The following LHFPL3 variants were observed in gnomAD, a reference collection of about 807,000 sequenced individuals.
LHFPL3 encodes LHFPL tetraspan subfamily member 3 protein.
A neutral mutation model predicts 19.3 loss-of-function variants in LHFPL3; 5 were observed. That is an observed-to-expected ratio of 0.26 (90% CI 0.14 to 0.54). LHFPL3 has a LOEUF of 0.54. Ranked by LOEUF, LHFPL3 falls within the 20% of genes least tolerant of loss-of-function variation. The pLI, the probability that LHFPL3 is intolerant of heterozygous loss-of-function variation, is 0.94. For missense variants in LHFPL3, 249 were observed against 307.4 expected, an observed-to-expected ratio of 0.81 and a Z score of 1.42; for synonymous variants, 133 against 126.2, an observed-to-expected ratio of 1.05 and a Z score of -0.36.
At chr7:104,829,686 T>C (rs1271476824) in intron 2 of LHFPL3, among the ~76,000 whole-genome samples, 3 of 151,964 alleles carry the variant, frequency 2.0e-5, no homozygotes, top group East Asian at 1.9e-4. Context: ...CTGCATAGTA[T>C]TCCATGGTGT....
At chr7:104,746,062 G>A (rs1794041033) in intron 2 of LHFPL3, among the ~76,000 whole-genome samples, 2 of 152,168 alleles carry the variant, frequency 1.3e-5, no homozygotes, top group African/African-American at 4.8e-5. Context: ...TGTAATCCCA[G>A]CACTTAAGGA....
At chr7:104,746,987 A>G (rs1794058285) in intron 2 of LHFPL3, among the ~76,000 whole-genome samples, 1 of 152,168 alleles carries the variant, frequency 6.6e-6, no homozygotes, top group African/African-American at 2.4e-5. Flanking sequence ...ACATGCTTAA[A>G]TTTAATTTTT....
chr7:104,610,219 T>C (rs978414518), intron 1 of LHFPL3, among the ~76,000 whole-genome samples: 6 of 152,162 alleles, frequency 3.9e-5, no homozygotes, highest in African/African-American at 1.4e-4. Context: ...TCTAAGAGAC[T>C]CACTAAATGT....
Position 104,711,963 on chromosome 7 carries a change from T to C in LHFPL3, c.446-24712T>C, listed in dbSNP as rs117080644. 1.8e-3 allele frequency among the ~76,000 whole-genome samples: 273 copies of C among 152,186 alleles called. 2 individuals carry two copies. The highest frequency in any genetic ancestry group is 2.1e-3 in the Non-Finnish European group (140 of 68,010). On this transcript the variant is annotated intron_variant, in intron 1 of 2. Coordinates refer to ENST00000424859, the MANE Select transcript of LHFPL3 (RefSeq NM_199000.3). ...TAACATTATGTGGTATACAGAATAA[T>C]CCTCCTCCCTGCAGAGATGTCCACA... is the stretch of plus-strand genomic sequence containing the variant.
chr7:104,824,043 G>T (rs1790730454), intron 2 of LHFPL3, among the ~76,000 whole-genome samples: 1 of 143,170 alleles, frequency 7.0e-6, no homozygotes. Flanking sequence ...CTACTCGGGA[G>T]GCTGAGGCAG....
At chr7:104,820,514 G>A (rs1790655604) in intron 2 of LHFPL3, among the ~76,000 whole-genome samples, 1 of 152,170 alleles carries the variant, frequency 6.6e-6, no homozygotes, top group African/African-American at 2.4e-5. Flanking sequence ...GGAGGCAGAT[G>A]AATTGGTGTT....
intron 2 of LHFPL3, among the ~76,000 whole-genome samples, chr7:104,764,760 G>A (rs1347723178): frequency 2.6e-5 from 4 of 152,120 alleles, no homozygotes; most frequent in Non-Finnish European, 5.9e-5. Context: ...TGACTGTGTT[G>A]TTAGTATTTA....
intron 1 of LHFPL3, among the ~76,000 whole-genome samples, chr7:104,566,826 CATT>C (rs1340830893): frequency 1.3e-5 from 2 of 152,186 alleles, no homozygotes; most frequent in South Asian, 2.1e-4. Context: ...CAAAGGAAAA[CATT>C]ATTTCTCAAA....
At chr7:104,878,266 G>GT (rs1791986400) in intron 2 of LHFPL3, among the ~76,000 whole-genome samples, 1 of 84,506 alleles carries the variant, frequency 1.2e-5, no homozygotes, top group Non-Finnish European at 2.2e-5. Flanking sequence ...TACAAATATT[G>GT]CTTTTTTTTT....
intron 1 of LHFPL3, among the ~76,000 whole-genome samples, chr7:104,608,031 C>T (rs1175522634): frequency 6.6e-6 from 1 of 152,136 alleles, no homozygotes; most frequent in Non-Finnish European, 1.5e-5. Flanking sequence ...AATAGGAACA[C>T]TTTTACACTG....
At chr7:104,716,861 T>C (rs1018807106) in intron 1 of LHFPL3, among the ~76,000 whole-genome samples, 1 of 152,154 alleles carries the variant, frequency 6.6e-6, no homozygotes, top group East Asian at 1.9e-4. Flanking sequence ...GGACCCTGAA[T>C]AGCCAAATCA....
At position 104,672,057 on chromosome 7, in the gene LHFPL3, A is replaced by G. The variant is rs867267463; in HGVS notation, c.446-64618A>G. ...TTCCTTCTTCAAAACTTTAACTTCC[A>G]AGTGTGTGTGTGTGTGTGTGTGTGT... is the stretch of plus-strand genomic sequence containing the variant. On this transcript the variant is annotated intron_variant, in intron 1 of 2. Transcript: ENST00000424859. 1.0e-4 allele frequency among the ~76,000 whole-genome samples: 9 copies of G among 86,446 alleles called. No homozygotes were observed. In the South Asian group the frequency reaches 1.6e-3, roughly 15 times the overall value. The allele number at this position is 86,446 out of a possible 152,430, so 56.7% of individuals were successfully genotyped here.
intron 1 of LHFPL3, among the ~76,000 whole-genome samples, chr7:104,562,923 C>T (rs1423271589): frequency 6.6e-6 from 1 of 151,948 alleles, no homozygotes; most frequent in Non-Finnish European, 1.5e-5. Context: ...AGCTGCAGGT[C>T]TGTTGGAGTA....
chr7:104,735,685 C>A (rs1793800040), intron 1 of LHFPL3, among the ~76,000 whole-genome samples: 1 of 152,252 alleles, frequency 6.6e-6, no homozygotes, highest in African/African-American at 2.4e-5. Context: ...AATGCATCGC[C>A]CTGCTTCAGC....
At chr7:104,866,205 G>C (rs1791718738) in intron 2 of LHFPL3, among the ~76,000 whole-genome samples, 1 of 152,138 alleles carries the variant, frequency 6.6e-6, no homozygotes, top group African/African-American at 2.4e-5. Flanking sequence ...ATAATGACAG[G>C]ATCAAATTCA....
chr7:104,648,696 T>C (rs1218983153), intron 1 of LHFPL3, among the ~76,000 whole-genome samples: 2 of 152,144 alleles, frequency 1.3e-5, no homozygotes, highest in African/African-American at 4.8e-5. Flanking sequence ...AGCACTGAGA[T>C]AAGTGCTGGT....
At chr7:104,468,238 A>G (rs1470003571) in intron 1 of LHFPL3, among the ~76,000 whole-genome samples, 2 of 152,210 alleles carry the variant, frequency 1.3e-5, no homozygotes, top group Non-Finnish European at 2.9e-5. Flanking sequence ...ATGGAATCCA[A>G]TTACTGAGGT....
In LHFPL3 at chr7:104,328,663, G is replaced by A; in HGVS notation, c.-117G>A. 1.2e-6 allele frequency: 1 copy of A among 860,128 alleles called. No homozygotes were observed. Among genetic ancestry groups the A allele is most frequent in the Non-Finnish European group, 1.8e-6 (1 of 551,594 alleles). The allele number at this position is 860,128 out of a possible 1,614,324, so 53.3% of individuals were successfully genotyped here. ...ACTCTGAAACTGGTGCTGCTGGGCT[G>A]AGGCGGAGGCAGGGGAGTTGCAGCG... On this transcript the variant is annotated 5_prime_UTR_variant, in exon 1 of 3. The change abolishes the stop of an existing upstream ORF in the 5' untranslated region. Transcript: ENST00000424859. This position sits in a 1 kb window ranked among gnomAD's most constrained non-coding sequence, Gnocchi z 4.6.
chr7:104,900,880 G>T (rs1432672530), intron 2 of LHFPL3, among the ~76,000 whole-genome samples: 2 of 152,194 alleles, frequency 1.3e-5, no homozygotes, highest in African/African-American at 4.8e-5. Flanking sequence ...ACTGAACAAA[G>T]ATCCAAAGCA....
Sources: allele counts gnomAD v4.1 joint callset (sites outside exome capture counted in the v4.1 genomes callset), GRCh38; gene constraint gnomAD v4.1.1; non-coding constraint Gnocchi (gnomAD v3.1); transcripts MANE v1.5; gene names NCBI Gene and HGNC (gene_info 2026-07-23, HGNC 2026-07-21).